The following C10orf88 variants were observed in gnomAD, a reference collection of about 807,000 sequenced individuals.
The protein encoded by C10orf88 is chromosome 10 open reading frame 88, also known as ATPase PAAT.
C10orf88 carries 29 observed loss-of-function variants against 34.2 expected under a neutral mutation model. The ratio of observed to expected loss-of-function variants is 0.85; its 90% CI spans 0.63 to 1.16. C10orf88 has a LOEUF of 1.16. Ranked by LOEUF, C10orf88 falls within the 50% of genes most tolerant of loss-of-function variation. The pLI is 0.00. For missense variants in C10orf88, 507 were observed against 533.2 expected (o/e 0.95, Z 0.48); for synonymous variants, 194 against 197.4 (o/e 0.98, Z 0.15).
chr10:122,949,206 A>C (rs1050713419), intron 3 of C10orf88, among the ~76,000 whole-genome samples: 1 of 152,202 alleles, frequency 6.6e-6, no homozygotes, highest in Admixed American at 6.5e-5. Flanking sequence ...GGCTCCCTGA[A>C]ATTGCATATA....
chr10:122,945,067 C>T lies in C10orf88; in HGVS notation c.648+3582G>A, dbSNP rs1443402373. Among the ~76,000 whole-genome samples, 4 of 149,360 alleles carry T rather than the reference C, an allele frequency of 2.7e-5. No homozygotes were observed. In the Admixed American group the frequency reaches 2.7e-4, roughly 10 times the overall value. ...ATATATATATGTATATAGATATATG[C>T]ATGTATATATACGTATATATATATG... On this transcript the variant is annotated intron_variant, in intron 4 of 5. Coordinates refer to ENST00000481909, the MANE Select transcript of C10orf88 (RefSeq NM_024942.4).
chr10:122,951,169 G>A (rs1848686553), intron 3 of C10orf88, among the ~76,000 whole-genome samples: 1 of 152,150 alleles, frequency 6.6e-6, no homozygotes, highest in Non-Finnish European at 1.5e-5. Flanking sequence ...TTTTCATGCT[G>A]AAGACAACAG....
intron 4 of C10orf88, among the ~76,000 whole-genome samples, chr10:122,940,045 T>G (rs888890629): frequency 1.3e-5 from 2 of 152,000 alleles, no homozygotes; most frequent in Non-Finnish European, 2.9e-5. Flanking sequence ...ATCCCACTTC[T>G]GGGCATATAT....
At chr10:122,945,806 C>T (rs1410535789) in intron 4 of C10orf88, among the ~76,000 whole-genome samples, 1 of 151,990 alleles carries the variant, frequency 6.6e-6, no homozygotes, top group Non-Finnish European at 1.5e-5. Flanking sequence ...TAAAAAGTTA[C>T]GATAGGCTGG....
At chr10:122,943,468 G>C (rs1242912979) in intron 4 of C10orf88, among the ~76,000 whole-genome samples, 1 of 149,872 alleles carries the variant, frequency 6.7e-6, no homozygotes, top group East Asian at 2.0e-4. Context: ...GCATGGGCAA[G>C]GACTTCATGT....
chr10:122,951,612 T>C (rs1848690466), intron 3 of C10orf88, among the ~76,000 whole-genome samples: 1 of 152,196 alleles, frequency 6.6e-6, no homozygotes, highest in Non-Finnish European at 1.5e-5. Flanking sequence ...GATAATTTTT[T>C]AGAAAAGTAA....
chr10:122,934,696 G>T (rs1274879947), intron 5 of C10orf88, among the ~76,000 whole-genome samples: 1 of 152,152 alleles, frequency 6.6e-6, no homozygotes, highest in Non-Finnish European at 1.5e-5. Context: ...TTGCTGGGTT[G>T]TACGGTAACT....
At chr10:122,950,686 G>C (rs1459235808) in intron 3 of C10orf88, among the ~76,000 whole-genome samples, 3 of 152,070 alleles carry the variant, frequency 2.0e-5, no homozygotes, top group African/African-American at 4.8e-5. Flanking sequence ...TTGCCCACTA[G>C]AATACAAGCA....
chr10:122,936,087 G>T (rs1371331064), intron 5 of C10orf88, among the ~76,000 whole-genome samples: 1 of 151,702 alleles, frequency 6.6e-6, no homozygotes, highest in African/African-American at 2.4e-5. Context: ...TCTGGGCCTG[G>T]ATATTTCTTT....
Position 122,938,124 on chromosome 10 carries a change from C to A in C10orf88, c.684G>T (p.Val228=). The A allele has an allele frequency of 6.2e-7, 1 of 1,608,354 alleles. No homozygotes were observed. The highest frequency in any genetic ancestry group is 8.5e-7 in the Non-Finnish European group (1 of 1,176,534). The change falls in exon 5 of 6, where the codon GTG becomes GTT. Residue 228 remains valine, a synonymous_variant. Coordinates refer to ENST00000481909, the MANE Select transcript of C10orf88 (RefSeq NM_024942.4). ...TATGCTTGTATCCAGAATTGCCCAA[C>A]ACCGACTGAAGCTGCTCTCCAATGG... The part of the protein sequence containing the change: ...CIPIGEQLQS[V]LGNSGYKHMI...
In C10orf88 at chr10:122,932,399, T is replaced by A. The variant is rs1848491260; in HGVS notation, c.*28A>T. 6.6e-7 allele frequency: 1 copy of A among 1,520,426 alleles called. No individual in the cohort carries two copies. Among genetic ancestry groups the A allele is most frequent in the Non-Finnish European group, 9.0e-7 (1 of 1,114,008 alleles). The allele number at this position is 1,520,426 out of a possible 1,614,324, so 94.2% of individuals were successfully genotyped here. A position where few individuals can be genotyped will look rare whatever the true frequency, so the allele number is the denominator to read the frequency against. ...CTTTGTAATAAATATGTAATAAATA[T>A]CTGCAGTACACTGTTTATGTTGAGA... On this transcript the variant is annotated 3_prime_UTR_variant, in exon 6 of 6. Transcript: ENST00000481909.
At chr10:122,945,603 A>G (rs1046796214) in intron 4 of C10orf88, among the ~76,000 whole-genome samples, 15 of 152,228 alleles carry the variant, frequency 9.9e-5, no homozygotes, top group East Asian at 5.8e-4. Context: ...GGCCTAGGGT[A>G]ATGTGTATGT....
intron 4 of C10orf88, among the ~76,000 whole-genome samples, chr10:122,943,405 TA>T (rs1373338672): frequency 1.3e-5 from 2 of 150,664 alleles, no homozygotes; most frequent in Admixed American, 1.3e-4. Context: ...ACGTTAGACC[TA>T]AAACCATAAA....
chr10:122,945,476 A>C (rs1179646394), intron 4 of C10orf88, among the ~76,000 whole-genome samples: 2 of 152,154 alleles, frequency 1.3e-5, no homozygotes, highest in Non-Finnish European at 2.9e-5. Context: ...TTCCAGAAGA[A>C]GGCATTATTA....
Position 122,948,841 on chromosome 10 carries a change from GC to G in C10orf88, c.455del (p.Gly152AlafsTer15). ...HACKIKLLSF[G>X]ERQCVFISKV... ...TACTGATGAACACACACTGCCTTTC[GC>G]CAAAGGAGAGCAACTATTATAAAAC... On this transcript the variant is annotated frameshift_variant, in exon 4 of 6. Transcript: ENST00000481909. LOFTEE classifies it high-confidence loss of function. The G allele has an allele frequency of 6.2e-7, 1 of 1,611,310 alleles. No individual in the cohort carries two copies.
At chr10:122,943,379 T>C (rs1320509898) in intron 4 of C10orf88, among the ~76,000 whole-genome samples, 1 of 151,032 alleles carries the variant, frequency 6.6e-6, no homozygotes, top group East Asian at 1.9e-4. Flanking sequence ...CAACTCAAGA[T>C]GGATTAAAGA....
At chr10:122,953,133 A>G in intron 1 of C10orf88, 101 bp from the exon 2 acceptor site, 5 of 938,782 alleles carry the variant, frequency 5.3e-6, no homozygotes, top group Non-Finnish European at 8.3e-6. Context: ...GCTGGAATGC[A>G]GTGGCTCCAT....
Position 122,954,193 on chromosome 10 carries a change from T to C in C10orf88, c.-15A>G. The C allele has an allele frequency of 6.4e-7, 1 of 1,551,580 alleles. No homozygotes were observed. The highest frequency in any genetic ancestry group is 8.6e-7 in the Non-Finnish European group (1 of 1,156,666). On this transcript the variant is annotated 5_prime_UTR_variant, in exon 1 of 6. Coordinates refer to ENST00000481909, the MANE Select transcript of C10orf88 (RefSeq NM_024942.4). ...CGCGTCTCCATTCCGCCGCCTTCAG[T>C]CAGGCCAGCCCAGCCCCGGAACCTC... is the stretch of plus-strand genomic sequence containing the variant.
At position 122,951,935 on chromosome 10, in the gene C10orf88, T is replaced by G. The variant is rs767006447; in HGVS notation, c.441+19A>C. Reference sequence around the variant, plus strand: ...AAAAACAACTTAGTTGTCAAATTAGTTTACAACTGACAACTTACCTTTATT... The same window carrying G: ...AAAAACAACTTAGTTGTCAAATTAGGTTACAACTGACAACTTACCTTTATT... On this transcript the variant is annotated intron_variant, in intron 3 of 5. Coordinates refer to ENST00000481909, the MANE Select transcript of C10orf88 (RefSeq NM_024942.4). 1.0e-5 allele frequency: 15 copies of G among 1,479,828 alleles called. No individual in the cohort carries two copies. The highest frequency in any genetic ancestry group is 1.4e-5 in the Non-Finnish European group (15 of 1,069,934). 91.7% of individuals were successfully genotyped at this position (1,479,828 alleles called of 1,614,324 possible). A position where few individuals can be genotyped will look rare whatever the true frequency, so the allele number is the denominator to read the frequency against.
Sources: gnomAD v4.1 joint callset for allele counts (sites outside exome capture counted in the v4.1 genomes callset) on GRCh38, gnomAD v4.1.1 for gene constraint, MANE v1.5 for transcripts, NCBI Gene and HGNC (gene_info 2026-07-23, HGNC 2026-07-21) for gene names.